Variants in MTUS2 observed in about 807,000 individuals in gnomAD.
The protein encoded by MTUS2 is microtubule-associated tumor suppressor candidate 2.
A neutral mutation model predicts 114.1 loss-of-function variants in MTUS2; 40 were observed. That is an observed-to-expected ratio of 0.35 (90% confidence interval 0.27 to 0.46). The LOEUF is 0.46. MTUS2 is among the 20% of genes least tolerant of loss of function. MTUS2 has a pLI of 1.00. For synonymous variants in MTUS2, 688 were observed against 672.0 expected (o/e 1.02, Z -0.37); for missense variants, 1,679 against 1,705.4 (o/e 0.98, Z 0.27).
At chr13:29,451,812 C>T (rs1469693635) in intron 9 of MTUS2, among the ~76,000 whole-genome samples, 5 of 152,100 alleles carry the variant, frequency 3.3e-5, no homozygotes, top group Non-Finnish European at 7.4e-5. Context: ...TGGTCTCAAA[C>T]TCCTGACCTC....
At chr13:28,878,903 C>T (rs1878121609) in intron 2 of MTUS2, among the ~76,000 whole-genome samples, 1 of 152,172 alleles carries the variant, frequency 6.6e-6, no homozygotes, top group Non-Finnish European at 1.5e-5. Context: ...GAGGAATCGC[C>T]ACACTGTCTT....
At chr13:29,055,934 A>G (rs1264244427) in intron 4 of MTUS2, among the ~76,000 whole-genome samples, 2 of 149,792 alleles carry the variant, frequency 1.3e-5, no homozygotes, top group Admixed American at 1.3e-4. Context: ...AATTTGTTTA[A>G]CCTCCTTATA....
At chr13:29,365,958 C>G (rs975128535) in intron 8 of MTUS2, among the ~76,000 whole-genome samples, 1 of 152,224 alleles carries the variant, frequency 6.6e-6, no homozygotes, top group Non-Finnish European at 1.5e-5. Flanking sequence ...CCCAGAACCT[C>G]TTCCCTGCGA....
intron 4 of MTUS2, among the ~76,000 whole-genome samples, chr13:29,092,672 C>T (rs932859666): frequency 1.3e-5 from 2 of 152,182 alleles, no homozygotes; most frequent in East Asian, 3.9e-4. Context: ...CCCCGCCAGA[C>T]GAGTGGATGG....
chr13:29,379,913 A>G (rs534024608), intron 8 of MTUS2, among the ~76,000 whole-genome samples: 1 of 152,384 alleles, frequency 6.6e-6, no homozygotes, highest in South Asian at 2.1e-4. Context: ...TATGAAGTTC[A>G]TACATGTCAC....
intron 8 of MTUS2, among the ~76,000 whole-genome samples, chr13:29,418,454 C>T (rs980608765): frequency 1.3e-5 from 2 of 152,176 alleles, no homozygotes; most frequent in Non-Finnish European, 2.9e-5. Flanking sequence ...CTTTTCTGCT[C>T]ATACAGATCA....
chr13:29,492,159 T>C (rs144414290), intron 11 of MTUS2, among the ~76,000 whole-genome samples: 1 of 16,722 alleles, frequency 6.0e-5, no homozygotes, highest in Non-Finnish European at 1.5e-4. Flanking sequence ...TATGTGTGTG[T>C]GGTGTGTATG....
At chr13:29,112,736 A>C (rs1411573721) in intron 5 of MTUS2, among the ~76,000 whole-genome samples, 1 of 152,190 alleles carries the variant, frequency 6.6e-6, no homozygotes, top group African/African-American at 2.4e-5. Context: ...ATGCTATTTA[A>C]TATACAAGTG....
intron 9 of MTUS2, among the ~76,000 whole-genome samples, chr13:29,444,346 TTGAAC>T (rs1878121159): frequency 3.9e-5 from 6 of 152,180 alleles, no homozygotes; most frequent in Non-Finnish European, 8.8e-5. Context: ...GGAGAATCGC[TTGAAC>T]CCGGAAGGCG....
chr13:29,337,796 T>TTTTG (rs1259955083), intron 7 of MTUS2, among the ~76,000 whole-genome samples: 1 of 145,258 alleles, frequency 6.9e-6, no homozygotes, highest in Non-Finnish European at 1.5e-5. Context: ...TGTTTTGGTT[T>TTTTG]TTTTTTTTTT....
At chr13:29,053,159 A>T (rs1887980217) in intron 4 of MTUS2, among the ~76,000 whole-genome samples, 1 of 152,230 alleles carries the variant, frequency 6.6e-6, no homozygotes. Context: ...ATCATTATAA[A>T]TACAATGAAG....
intron 2 of MTUS2, among the ~76,000 whole-genome samples, chr13:28,910,179 C>T (rs771089169): frequency 5.3e-5 from 8 of 152,158 alleles, no homozygotes; most frequent in African/African-American, 1.4e-4. Flanking sequence ...CCATCCCACC[C>T]GTTACCCTTC....
In MTUS2 at chr13:29,163,744, G is replaced by T. The variant is rs114793631; in HGVS notation, c.2644+62774G>T. On this transcript the variant is annotated intron_variant, in intron 5 of 15. Transcript: ENST00000612955. Reference sequence around the variant, plus strand: ...GCACTCCTGAGCGAGCGCATGTAGGGATGTGCAGCCAGGGCTCTCTCATCC... The same window carrying T: ...GCACTCCTGAGCGAGCGCATGTAGGTATGTGCAGCCAGGGCTCTCTCATCC... Among the ~76,000 whole-genome samples, 1,187 of 152,276 alleles carry T rather than the reference G, an allele frequency of 7.8e-3. 13 individuals are homozygous for T. The highest frequency in any genetic ancestry group is 0.027 in the African/African-American group (1,133 of 41,554).
At chr13:29,478,724 C>G (rs1180804073) in intron 9 of MTUS2, among the ~76,000 whole-genome samples, 1 of 152,048 alleles carries the variant, frequency 6.6e-6, no homozygotes, top group Non-Finnish European at 1.5e-5. Flanking sequence ...ACCACTCTGC[C>G]CTCGGTGGGC....
chr13:28,831,015 TTAAAGG>T (rs1357399396), intron 1 of MTUS2, among the ~76,000 whole-genome samples: 1 of 152,084 alleles, frequency 6.6e-6, no homozygotes, highest in Non-Finnish European at 1.5e-5. Context: ...ACAAGAAATA[TTAAAGG>T]TAATCTTTCA....
intron 5 of MTUS2, among the ~76,000 whole-genome samples, chr13:29,199,637 G>T (rs558086445): frequency 1.1e-3 from 163 of 152,134 alleles, no homozygotes; most frequent in African/African-American, 3.8e-3. Context: ...TCAGGGATAT[G>T]GGCCTGAAAT....
At chr13:29,191,556 A>G (rs568756489) in intron 5 of MTUS2, among the ~76,000 whole-genome samples, 1 of 152,110 alleles carries the variant, frequency 6.6e-6, no homozygotes, top group East Asian at 1.9e-4. Context: ...CTGAAGTGCA[A>G]AGATGGGCTG....
At chr13:29,043,596 A>G (rs1220623314) in intron 4 of MTUS2, among the ~76,000 whole-genome samples, 4 of 151,380 alleles carry the variant, frequency 2.6e-5, no homozygotes, top group African/African-American at 7.3e-5. Context: ...TTTAATAGTA[A>G]TTATTTTATA....
chr13:29,205,497 G>A (rs1340710119), intron 5 of MTUS2, among the ~76,000 whole-genome samples: 1 of 151,840 alleles, frequency 6.6e-6, no homozygotes, highest in Non-Finnish European at 1.5e-5. Flanking sequence ...TGAGGTTTTG[G>A]TGCACCCTTT....
Sources: allele counts gnomAD v4.1 joint callset (sites outside exome capture counted in the v4.1 genomes callset), GRCh38; gene constraint gnomAD v4.1.1; transcripts MANE v1.5; gene names NCBI Gene and HGNC (gene_info 2026-07-23, HGNC 2026-07-21).